Variants in XG observed in about 807,000 individuals in gnomAD.
XG encodes glycoprotein Xg.
A neutral mutation model predicts 25.7 loss-of-function variants in XG; 24 were observed. The ratio of observed to expected loss-of-function variants is 0.93; its 90% CI spans 0.68 to 1.31. The LOEUF (loss-of-function observed/expected upper bound fraction) is 1.31. Among genes scored for constraint, XG ranks in the 40% most tolerant of loss-of-function variants. XG has a pLI of 0.00. For missense variants in XG, 181 were observed against 187.6 expected, an observed-to-expected ratio of 0.96 and a Z score of 0.21; for synonymous variants, 77 against 69.2, an observed-to-expected ratio of 1.11 and a Z score of -0.56.
At chrX:2,781,472 G>T (rs1328937606) in intron 3 of XG, among the ~76,000 whole-genome samples, 1 of 148,780 alleles carries the variant, frequency 6.7e-6, no homozygotes, top group Admixed American at 6.8e-5. Flanking sequence ...TAGATTAAAA[G>T]AAGTTAATCA....
intron 1 of XG, among the ~76,000 whole-genome samples, chrX:2,757,920 T>G (rs1465903769): frequency 7.4e-6 from 1 of 134,826 alleles, no homozygotes; most frequent in Non-Finnish European, 1.5e-5. Flanking sequence ...TGCAATCAGC[T>G]GAGATCATAC....
At chrX:2,774,603 T>C in intron 2 of XG, 113 bp from the exon 3 acceptor site, 1 of 1,172,132 alleles carries the variant, frequency 8.5e-7, no homozygotes, top group Non-Finnish European at 1.3e-6. Flanking sequence ...TCATTTACTT[T>C]GTATGGCTTT....
intron 3 of XG, among the ~76,000 whole-genome samples, chrX:2,775,909 T>C (rs2050971371): frequency 7.0e-6 from 1 of 141,922 alleles, no homozygotes; most frequent in South Asian, 2.2e-4. Context: ...TGAGCCGAGA[T>C]CATGCCACTG....
At chrX:2,802,721 A>G (rs1197715762) in intron 7 of XG, among the ~76,000 whole-genome samples, 1 of 109,206 alleles carries the variant, frequency 9.2e-6, no homozygotes, top group Admixed American at 9.8e-5. Context: ...CTCAACTTCA[A>G]CCTTAGGTTT....
Position 2,794,519 on chromosome X carries a change from G to A in XG, c.254-16G>A, listed in dbSNP as rs1176762307. 2.5e-6 allele frequency: 3 copies of A among 1,209,775 alleles called. No individual in the cohort carries two copies. The highest frequency in any genetic ancestry group is 3.4e-6 in the Non-Finnish European group (3 of 894,453). On this transcript the variant is annotated splice_polypyrimidine_tract_variant and intron_variant, in intron 5 of 10. Transcript: ENST00000644266. ...GGAGAGGTCTCATGAGCAATGCCGC[G>A]TGCTCTGCCCCACAGGTTACTTCAA...
At chrX:2,793,331 A>T (rs2086854245) in intron 5 of XG, among the ~76,000 whole-genome samples, 1 of 111,736 alleles carries the variant, frequency 8.9e-6, no homozygotes, top group Non-Finnish European at 1.9e-5. Context: ...GGAAAGGCAG[A>T]CTCCAAGGGT....
chrX:2,791,219 G>C (rs2086835298), intron 5 of XG, among the ~76,000 whole-genome samples: 1 of 111,257 alleles, frequency 9.0e-6, no homozygotes, highest in African/African-American at 3.3e-5. Context: ...GGTCTGTAAA[G>C]TTGGAAGAGT....
At chrX:2,768,075 C>T (rs2050738385) in intron 1 of XG, among the ~76,000 whole-genome samples, 1 of 152,158 alleles carries the variant, frequency 6.6e-6, no homozygotes, top group East Asian at 1.9e-4. Context: ...GTCTGCAGCC[C>T]TCCCGTGCCA....
At chrX:2,776,015 C>T (rs958071879) in intron 3 of XG, among the ~76,000 whole-genome samples, 17 of 150,524 alleles carry the variant, frequency 1.1e-4, no homozygotes, top group African/African-American at 3.7e-4. Context: ...CGGGGCCGGG[C>T]GCAGTGGCTC....
chrX:2,767,995 A>G (rs1383642895), intron 1 of XG, among the ~76,000 whole-genome samples: 1 of 152,136 alleles, frequency 6.6e-6, no homozygotes, highest in East Asian at 1.9e-4. Flanking sequence ...TCTCAGGGTC[A>G]TCCGGAGCAT....
At chrX:2,814,081 G>A (rs2087082105) in intron 10 of XG, among the ~76,000 whole-genome samples, 1 of 111,382 alleles carries the variant, frequency 9.0e-6, no homozygotes, top group African/African-American at 3.3e-5. Context: ...TAAAGCAGGT[G>A]TCATGTAGAC....
chrX:2,806,513 A>G (rs2086999237), intron 7 of XG, among the ~76,000 whole-genome samples, 188 bp from the exon 8 acceptor site: 1 of 110,550 alleles, frequency 9.0e-6, no homozygotes. Context: ...ACCTTCAGCC[A>G]CCGGTGTAAA....
chrX:2,755,699 G>T (rs1328263187), intron 1 of XG, among the ~76,000 whole-genome samples: 2 of 152,148 alleles, frequency 1.3e-5, no homozygotes, highest in African/African-American at 4.8e-5. Flanking sequence ...GGAAAGTGAG[G>T]TCTGGATCAG....
chrX:2,784,619 C>G (rs2086767221), intron 4 of XG, among the ~76,000 whole-genome samples: 1 of 109,699 alleles, frequency 9.1e-6, no homozygotes, highest in South Asian at 4.0e-4. Context: ...AATGCGAGAT[C>G]CTTTAAGATG....
Position 2,782,056 on chromosome X carries a change from TC to T in XG, c.128-8del. On this transcript the variant is annotated splice_polypyrimidine_tract_variant and intron_variant, in intron 3 of 10. Coordinates refer to ENST00000644266, the MANE Select transcript of XG (RefSeq NM_001141919.2). ...TCTTTTCTAACAGTGCAATGTTGTT[TC>T]CTCCACAGATATCTACCCAAAGCCA... 3 of 1,210,146 alleles carry T rather than the reference TC, an allele frequency of 2.5e-6. No homozygotes were observed. Among genetic ancestry groups the T allele is most frequent in the Non-Finnish European group, 3.4e-6 (3 of 894,232 alleles).
chrX:2,787,907 C>CA (rs61601632), intron 4 of XG, among the ~76,000 whole-genome samples: 204 of 50,714 alleles, frequency 4.0e-3, no homozygotes, highest in East Asian at 0.019. Flanking sequence ...AACTCCTTCT[C>CA]AAAAAAAAAA....
chrX:2,801,078 T>A (rs2086932118), intron 7 of XG, among the ~76,000 whole-genome samples: 1 of 109,768 alleles, frequency 9.1e-6, no homozygotes, highest in Admixed American at 9.8e-5. Flanking sequence ...TGGAACTAGC[T>A]AAGGGGTTCC....
intron 7 of XG, among the ~76,000 whole-genome samples, chrX:2,803,899 G>A (rs954895144): frequency 4.5e-5 from 5 of 110,841 alleles, no homozygotes; most frequent in Non-Finnish European, 7.6e-5. Context: ...CTTGAGTGCA[G>A]TGGTGTGATC....
At chrX:2,766,372 C>A (rs185557165) in intron 1 of XG, among the ~76,000 whole-genome samples, 99 of 152,052 alleles carry the variant, frequency 6.5e-4, no homozygotes, top group African/African-American at 2.4e-3. Context: ...ATCTCTTGAC[C>A]TTGTGATCTG....
Sources: gnomAD v4.1 joint callset for allele counts (sites outside exome capture counted in the v4.1 genomes callset) on GRCh38, gnomAD v4.1.1 for gene constraint, MANE v1.5 for transcripts, NCBI Gene and HGNC (gene_info 2026-07-23, HGNC 2026-07-21) for gene names.